The following M1AP variants were observed in gnomAD, a reference collection of about 807,000 sequenced individuals.
M1AP encodes the protein meiosis 1 associated protein.
M1AP carries 39 observed loss-of-function variants against 51.2 expected under a neutral mutation model. That is an observed-to-expected ratio of 0.76 (90% CI 0.59 to 1.00). The LOEUF is 1.00. M1AP is among the 50% of genes least tolerant of loss of function. The probability of loss-of-function intolerance (pLI) is 0.00; values close to 1 mark genes in which losing one functional copy is unlikely to be tolerated. For missense variants in M1AP, 545 were observed against 641.2 expected (o/e 0.85, Z 1.62); for synonymous variants, 251 against 249.2 (o/e 1.01, Z -0.07).
intron 4 of M1AP, among the ~76,000 whole-genome samples, chr2:74,582,977 G>C (rs1679500213): frequency 6.6e-6 from 1 of 151,738 alleles, no homozygotes; most frequent in African/African-American, 2.4e-5. Flanking sequence ...ACCAAGATCA[G>C]GCCACTGCAT....
intron 2 of M1AP, among the ~76,000 whole-genome samples, chr2:74,629,644 C>T (rs1405579680): frequency 1.3e-5 from 2 of 151,718 alleles, no homozygotes; most frequent in East Asian, 1.9e-4. Context: ...CCCAGAAACT[C>T]GGGAGACTGA....
intron 5 of M1AP, among the ~76,000 whole-genome samples, chr2:74,577,139 T>C (rs1222108735): frequency 6.6e-6 from 1 of 152,212 alleles, no homozygotes; most frequent in Non-Finnish European, 1.5e-5. Context: ...TGTTTCTCTG[T>C]GGGCTCGTTC....
At chr2:74,643,578 G>A (rs1314090086) in intron 1 of M1AP, among the ~76,000 whole-genome samples, 1 of 149,770 alleles carries the variant, frequency 6.7e-6, no homozygotes, top group African/African-American at 2.5e-5. Context: ...GTCCTGGGGT[G>A]TTGGTAATGT....
intron 5 of M1AP, among the ~76,000 whole-genome samples, chr2:74,580,590 G>C (rs1053514609): frequency 1.3e-4 from 20 of 152,090 alleles, no homozygotes; most frequent in African/African-American, 4.6e-4. Context: ...GCCCTCCCCT[G>C]TCCTAAAGAA....
rs141728251 is a variant in M1AP at position 74,635,892 on chromosome 2, T to C, written c.240+4144A>G. Among the ~76,000 whole-genome samples the C allele has an allele frequency of 1.7e-3, 264 of 152,256 alleles. 2 individuals carry two copies. Among genetic ancestry groups the C allele is most frequent in the African/African-American group, 6.0e-3 (250 of 41,574 alleles). On this transcript the variant is annotated intron_variant, in intron 2 of 10. Transcript: ENST00000421985. ...AGTTTGTTTAAGTTTCTTTCCTTCA[T>C]GGCCCATGGTATGGTCTAGTTTGGC... is the stretch of plus-strand genomic sequence containing the variant.
At chr2:74,641,110 T>C (rs1349843180) in intron 1 of M1AP, among the ~76,000 whole-genome samples, 1 of 152,226 alleles carries the variant, frequency 6.6e-6, no homozygotes, top group African/African-American at 2.4e-5. Flanking sequence ...GTTAAAATTC[T>C]TTGGTTGTCT....
At chr2:74,606,078 G>A (rs1464613209) in intron 4 of M1AP, among the ~76,000 whole-genome samples, 1 of 152,194 alleles carries the variant, frequency 6.6e-6, no homozygotes, top group Non-Finnish European at 1.5e-5. Context: ...GCCAGCAGAG[G>A]TCACTGGATG....
At chr2:74,586,405 T>C (rs1679711439) in intron 4 of M1AP, among the ~76,000 whole-genome samples, 1 of 152,226 alleles carries the variant, frequency 6.6e-6, no homozygotes. Flanking sequence ...CTGTAACTCT[T>C]GAGCTTCATC....
chr2:74,622,973 A>C (rs1188451176), intron 2 of M1AP, among the ~76,000 whole-genome samples: 2 of 151,658 alleles, frequency 1.3e-5, no homozygotes, highest in African/African-American at 4.8e-5. Flanking sequence ...AAAAAAACAA[A>C]CCCAAAATCA....
At chr2:74,612,241 C>A (rs187334182) in intron 3 of M1AP, among the ~76,000 whole-genome samples, 1 of 152,026 alleles carries the variant, frequency 6.6e-6, no homozygotes, top group East Asian at 1.9e-4. Context: ...TTTTAAGAGA[C>A]AAGGTCTTGC....
At chr2:74,591,429 T>TA (rs1473946720) in intron 4 of M1AP, among the ~76,000 whole-genome samples, 1 of 152,218 alleles carries the variant, frequency 6.6e-6, no homozygotes, top group African/African-American at 2.4e-5. Context: ...CAGGGACTAA[T>TA]ACATATATTC....
intron 2 of M1AP, among the ~76,000 whole-genome samples, chr2:74,622,899 T>G (rs578066255): frequency 8.1e-4 from 122 of 151,020 alleles, no homozygotes; most frequent in Middle Eastern, 6.8e-3. Flanking sequence ...ACCAATTAAT[T>G]TAGGGCAACC....
chr2:74,597,188 A>C (rs1326560764), intron 4 of M1AP, among the ~76,000 whole-genome samples: 1 of 152,234 alleles, frequency 6.6e-6, no homozygotes, highest in Non-Finnish European at 1.5e-5. Context: ...TACTGAACTC[A>C]AAAAATTATT....
chr2:74,647,879 G>A (rs2104875577), intron 1 of M1AP: 3 of 347,570 alleles, frequency 8.6e-6, no homozygotes, highest in Non-Finnish European at 1.2e-5. Flanking sequence ...GGGCAACAAG[G>A]GTGAAACTCC....
At chr2:74,599,137 GGCATGGTGAT>G (rs1474560101) in intron 4 of M1AP, among the ~76,000 whole-genome samples, 1 of 151,948 alleles carries the variant, frequency 6.6e-6, no homozygotes, top group Non-Finnish European at 1.5e-5. Flanking sequence ...AAATTAGCTG[GGCATGGTGAT>G]GCACACCTAT....
At chr2:74,610,936 T>C (rs1681297018) in intron 3 of M1AP, among the ~76,000 whole-genome samples, 1 of 152,254 alleles carries the variant, frequency 6.6e-6, no homozygotes, top group African/African-American at 2.4e-5. Context: ...GAAGATGGTT[T>C]ATGTCCTTCA....
intron 1 of M1AP, among the ~76,000 whole-genome samples, chr2:74,641,858 T>G (rs1683316812): frequency 6.6e-6 from 1 of 151,882 alleles, no homozygotes; most frequent in Non-Finnish European, 1.5e-5. Flanking sequence ...TTTTTTTTTT[T>G]TTTTTAGATG....
chr2:74,563,083 G>A (rs112564784), intron 7 of M1AP, among the ~76,000 whole-genome samples: 10 of 152,138 alleles, frequency 6.6e-5, no homozygotes, highest in Non-Finnish European at 1.3e-4. Context: ...TGTCCAGAGA[G>A]GGTACAAGGT....
intron 4 of M1AP, among the ~76,000 whole-genome samples, chr2:74,591,668 C>G (rs363689): frequency 0.014 from 2,118 of 152,234 alleles, 26 homozygotes; most frequent in Middle Eastern, 0.02. Context: ...AAAGAAAGAG[C>G]TGCCTTGAGG....
Sources: allele counts gnomAD v4.1 joint callset (sites outside exome capture counted in the v4.1 genomes callset), GRCh38; gene constraint gnomAD v4.1.1; transcripts MANE v1.5; gene names NCBI Gene and HGNC (gene_info 2026-07-23, HGNC 2026-07-21).